Variants in HECTD4 observed in about 807,000 individuals in gnomAD.
The protein encoded by HECTD4 is HECT domain E3 ubiquitin protein ligase 4, also known as probable E3 ubiquitin-protein ligase HECTD4.
In HECTD4, 114 loss-of-function variants were observed where a neutral mutation model predicts 471.5. The observed-to-expected ratio is 0.24, with a 90% confidence interval of 0.21 to 0.28. The LOEUF (loss-of-function observed/expected upper bound fraction) is 0.28. Among genes scored for constraint, HECTD4 ranks in the 10% least tolerant of loss-of-function variants. The pLI is 1.00. For missense variants in HECTD4, 3,866 were observed against 5,651.5 expected, an observed-to-expected ratio of 0.68 and a Z score of 10.13; for synonymous variants, 2,012 against 2,256.0, an observed-to-expected ratio of 0.89 and a Z score of 3.07.
Position 112,166,510 on chromosome 12 carries a change from C to G in HECTD4, c.12534+807G>C, listed in dbSNP as rs980124565. ...GCTGGGTGGGACGTTGCCCTCCACA[C>G]TCAGCCAGGATGGCTCTCTCAGCTG... On this transcript the variant is annotated intron_variant, in intron 72 of 75. Coordinates refer to ENST00000682272, the MANE Select transcript of HECTD4 (RefSeq NM_001388303.1). This position sits in a 1 kb window ranked among gnomAD's most constrained non-coding sequence, Gnocchi z 4.6. The G allele has an allele frequency of 6.6e-6, 1 of 152,314 alleles. No individual in the cohort carries two copies. Among genetic ancestry groups the G allele is most frequent in the Non-Finnish European group, 1.5e-5 (1 of 68,090 alleles). The allele number at this position is 152,314 out of a possible 1,614,324, so 9.4% of individuals were successfully genotyped here. A position where few individuals can be genotyped will look rare whatever the true frequency, so the allele number is the denominator to read the frequency against.
At position 112,228,053 on chromosome 12, in the gene HECTD4, T is replaced by C. The variant is rs1176361254; in HGVS notation, c.6854+36A>G. ...TCCCTTCTTCTGTCAGCTTGCACCA[T>C]GTCAGCACATAAGGCAATGTGGGGA... On this transcript the variant is annotated intron_variant, in intron 43 of 75. Transcript: ENST00000682272. This position sits in a 1 kb window ranked among gnomAD's most constrained non-coding sequence, Gnocchi z 4.9. The C allele has an allele frequency of 1.9e-6, 3 of 1,552,844 alleles. No individual in the cohort carries two copies. Among genetic ancestry groups the C allele is most frequent in the Non-Finnish European group, 2.6e-6 (3 of 1,152,420 alleles).
chr12:112,382,291 C>A lies in HECTD4; in HGVS notation c.-163G>T. ...ACTCCGCCCTAGGCGGTCCGAGTCG[C>A]CATACCCCCGACCCCGGCCCGGGAG... On this transcript the variant is annotated 5_prime_UTR_variant, in exon 1 of 76. Transcript: ENST00000682272. 1 of 571,770 alleles carries A rather than the reference C, an allele frequency of 1.7e-6. No homozygotes were observed. The highest frequency in any genetic ancestry group is 2.5e-6 in the Non-Finnish European group (1 of 395,512). 35.4% of individuals were successfully genotyped at this position (571,770 alleles called of 1,614,324 possible). A position where few individuals can be genotyped will look rare whatever the true frequency, so the allele number is the denominator to read the frequency against.
At chr12:112,366,634 A>G (rs897730062) in intron 1 of HECTD4, among the ~76,000 whole-genome samples, 12 of 152,182 alleles carry the variant, frequency 7.9e-5, no homozygotes, top group African/African-American at 2.9e-4. Flanking sequence ...TAATTCCAGC[A>G]CTTTGGGAAC....
chr12:112,351,950 T>C (rs527683918), intron 1 of HECTD4, among the ~76,000 whole-genome samples: 2 of 152,358 alleles, frequency 1.3e-5, no homozygotes, highest in South Asian at 4.1e-4. Context: ...ACCATTTCCC[T>C]TCACTTTCCT....
intron 70 of HECTD4, 103 bp from the exon 71 acceptor site, chr12:112,168,020 G>A: frequency 1.1e-6 from 1 of 912,074 alleles, no homozygotes; most frequent in Non-Finnish European, 1.8e-6. Context: ...TCCTTCCACG[G>A]CCTACCTGCC....
At chr12:112,165,359 T>TC (rs1041599909) in intron 72 of HECTD4, among the ~76,000 whole-genome samples, 1 of 150,480 alleles carries the variant, frequency 6.6e-6, no homozygotes, top group African/African-American at 2.4e-5. Flanking sequence ...ATTTTTTTTT[T>TC]TTTTTTTTTT....
At chr12:112,171,830 A>AGT (rs1163125063) in intron 67 of HECTD4, among the ~76,000 whole-genome samples, 2 of 152,234 alleles carry the variant, frequency 1.3e-5, no homozygotes, top group Admixed American at 6.5e-5. Flanking sequence ...CCCTGGGACG[A>AGT]GTGTAATGAA....
rs1447313087 is a variant in HECTD4, at chr12:112,161,006, G to A, written c.*1381C>T. ...TTACAGGGAGGAGATGGATGCTAACGGCTCTATCTCTAGAATTCACAATCT... is the reference window on the plus strand; with the variant it reads ...TTACAGGGAGGAGATGGATGCTAACAGCTCTATCTCTAGAATTCACAATCT... On this transcript the variant is annotated 3_prime_UTR_variant, in exon 76 of 76. Transcript: ENST00000682272. 6.6e-6 allele frequency: 1 copy of A among 152,148 alleles called. No homozygotes were observed. The highest frequency in any genetic ancestry group is 1.9e-4 in the East Asian group (1 of 5,198). The allele number at this position is 152,148 out of a possible 1,614,324, so 9.4% of individuals were successfully genotyped here. A position where few individuals can be genotyped will look rare whatever the true frequency, so the allele number is the denominator to read the frequency against.
Position 112,170,999 on chromosome 12 carries a change from G to A in HECTD4, c.11932+118C>T, listed in dbSNP as rs747379954. On this transcript the variant is annotated intron_variant, in intron 68 of 75. Coordinates refer to ENST00000682272, the MANE Select transcript of HECTD4 (RefSeq NM_001388303.1). ...CCCTGCCTGCTACATGAAAGGTTGA[G>A]GTGGGGTGGCATCTTCCTGGCGGGG... The A allele has an allele frequency of 3.8e-6, 3 of 780,782 alleles. No individual in the cohort carries two copies. The Admixed American group carries it at 9.2e-5, about 24-fold the overall frequency. The allele number at this position is 780,782 out of a possible 1,614,324, so 48.4% of individuals were successfully genotyped here. A position where few individuals can be genotyped will look rare whatever the true frequency, so the allele number is the denominator to read the frequency against.
Position 112,184,655 on chromosome 12 carries a change from C to T in HECTD4, c.10311G>A (p.Gln3437=), listed in dbSNP as rs1200368533. 1.9e-6 allele frequency: 3 copies of T among 1,613,750 alleles called. No homozygotes were observed. Among genetic ancestry groups the T allele is most frequent in the Non-Finnish European group, 2.5e-6 (3 of 1,179,878 alleles). ...CTTTTGGCTTCTTGGTGTCTTCTTC[C>T]TGCAGCGGGATGTAGATCTCGTCTT... ...VFKDEIYIPL[Q]EEDTKKPKDK... The change falls in exon 61 of 76, where the codon CAG becomes CAA. Residue 3437 remains glutamine (Q), a synonymous_variant. Transcript: ENST00000682272. The surrounding 1 kb of genome is among the most constrained non-coding windows in gnomAD (Gnocchi z 9.1).
intron 3 of HECTD4, 118 bp downstream of exon 3, chr12:112,314,339 C>A (rs1479352145): frequency 7.0e-6 from 4 of 571,376 alleles, no homozygotes; most frequent in South Asian, 2.5e-5. Flanking sequence ...TGAGTCTATA[C>A]TTATTTTAAA....
In HECTD4 at chr12:112,162,409, C is replaced by T. The variant is rs1238193804; in HGVS notation, c.13235G>A (p.Arg4412His). 6.8e-6 allele frequency: 11 copies of T among 1,614,016 alleles called. No homozygotes were observed. Among genetic ancestry groups the T allele is most frequent in the Admixed American group, 1.7e-5 (1 of 60,036 alleles). Residue 4412 changes from arginine to histidine, a missense_variant, in exon 76 of 76, where the codon CGT becomes CAT. Physicochemically the swap from Arg to His is conservative, Grantham distance 29 (BLOSUM62 0). Around this residue, in one of 16 missense-constraint regions of HECTD4, gnomAD observed 715 missense variants for 1,087.6 expected, o/e 0.66. Transcript: ENST00000682272. This position sits in a 1 kb window ranked among gnomAD's most constrained non-coding sequence, Gnocchi z 5.2. ...LEKLRCAIHY[R>H]EDPLSG Reference sequence around the variant, plus strand: ...CCATCAGCCACTGAGGGGGTCTTCACGGTAGTGAATGGCACAACGAAGTTT... The same window carrying T: ...CCATCAGCCACTGAGGGGGTCTTCATGGTAGTGAATGGCACAACGAAGTTT...
Position 112,304,425 on chromosome 12 carries a change from A to G in HECTD4, c.1335+1639T>C, listed in dbSNP as rs529597960. On this transcript the variant is annotated intron_variant, in intron 7 of 75. Transcript: ENST00000682272. ...CAGGCACATGCCACAACACCCAGCTAATTTTTGTATTTTTTTGCAGAGACG... is the reference window on the plus strand; with the variant it reads ...CAGGCACATGCCACAACACCCAGCTGATTTTTGTATTTTTTTGCAGAGACG... Among the ~76,000 whole-genome samples, 4 of 151,966 alleles carry G rather than the reference A, an allele frequency of 2.6e-5. No individual in the cohort carries two copies. The East Asian group carries it at 5.8e-4, about 22-fold the overall frequency.
rs371595298 is a variant in HECTD4, at chr12:112,169,483, C to A, written c.12208+20G>T. On this transcript the variant is annotated intron_variant, in intron 70 of 75. Coordinates refer to ENST00000682272, the MANE Select transcript of HECTD4 (RefSeq NM_001388303.1). ...TAAACACAGCTCCTCCAGCGTGGAGCCTGGCGGGCCACCACTTACTGGTGC... is the reference window on the plus strand; with the variant it reads ...TAAACACAGCTCCTCCAGCGTGGAGACTGGCGGGCCACCACTTACTGGTGC... 103 of 1,596,866 alleles carry A rather than the reference C, an allele frequency of 6.5e-5. No individual in the cohort carries two copies. In the African/African-American group the frequency reaches 1.3e-3, roughly 20 times the overall value.
intron 52 of HECTD4, among the ~76,000 whole-genome samples, chr12:112,206,145 T>A (rs931962458): frequency 6.6e-6 from 1 of 152,094 alleles, no homozygotes; most frequent in African/African-American, 2.4e-5. Context: ...TGGGCACAAT[T>A]CCTCCATATC....
chr12:112,319,509 C>T lies in HECTD4; in HGVS notation c.411G>A (p.Glu137=). The change falls in exon 2 of 76, where the codon GAG becomes GAA. Residue 137 remains glutamate (E), a synonymous_variant. Coordinates refer to ENST00000682272, the MANE Select transcript of HECTD4 (RefSeq NM_001388303.1). The surrounding 1 kb of genome is among the most constrained non-coding windows in gnomAD (Gnocchi z 5.3). ...LKRQGLLQQP[E]QAPFTSRMGL... ...CCATCCTCGATGTGAAGGGCGCTTGCTCAGGTTGCTGCAACAAGCCCTGGC... is the reference window on the plus strand; with the variant it reads ...CCATCCTCGATGTGAAGGGCGCTTGTTCAGGTTGCTGCAACAAGCCCTGGC... The T allele has an allele frequency of 6.8e-7, 1 of 1,475,478 alleles. No homozygotes were observed. 91.4% of individuals were successfully genotyped at this position (1,475,478 alleles called of 1,614,324 possible). A position where few individuals can be genotyped will look rare whatever the true frequency, so the allele number is the denominator to read the frequency against.
chr12:112,231,718 G>A lies in HECTD4; in HGVS notation c.5998-3C>T, dbSNP rs377311339. 611 of 1,609,110 alleles carry A rather than the reference G, an allele frequency of 3.8e-4. 4 individuals carry two copies. The South Asian group carries it at 5.8e-3, about 15-fold the overall frequency. ...GTAATCACTTCGCAACAGCCACCCT[G>A]GGGTGAGGTTGAAGACGCTGAGAAG... On this transcript the variant is annotated splice_region_variant and splice_polypyrimidine_tract_variant and intron_variant, in intron 38 of 75. Transcript: ENST00000682272.
At chr12:112,318,535 G>A (rs1325178171) in intron 2 of HECTD4, among the ~76,000 whole-genome samples, 6 of 152,002 alleles carry the variant, frequency 3.9e-5, no homozygotes, top group Non-Finnish European at 5.9e-5. Flanking sequence ...CACAACGCCC[G>A]GCTAATTTTT....
At chr12:112,248,005 C>G (rs1593973763) in intron 27 of HECTD4, 62 bp downstream of exon 27, 6 of 1,112,262 alleles carry the variant, frequency 5.4e-6, no homozygotes, top group South Asian at 1.4e-5. Context: ...CACACACACA[C>G]AGTATATACC....
Sources: gnomAD v4.1 joint callset for allele counts (sites outside exome capture counted in the v4.1 genomes callset) on GRCh38, gnomAD v4.1.1 for gene constraint, gnomAD v4.1.1 regional missense constraint, Gnocchi (gnomAD v3.1) non-coding constraint, MANE v1.5 for transcripts, NCBI Gene and HGNC (gene_info 2026-07-23, HGNC 2026-07-21) for gene names.